TASP1: variants seen among roughly 807,000 people sequenced by gnomAD.
The protein encoded by TASP1 is taspase 1.
TASP1 carries 16 observed loss-of-function variants against 56.6 expected under a neutral mutation model. The observed-to-expected ratio is 0.28, with a 90% confidence interval of 0.19 to 0.43. The LOEUF is 0.43. TASP1 is among the 20% of genes least tolerant of loss of function. The probability of loss-of-function intolerance (pLI) is 1.00; values close to 1 mark genes in which losing one functional copy is unlikely to be tolerated. For synonymous variants in TASP1, 179 were observed against 184.2 expected (o/e 0.97, Z 0.23); for missense variants, 393 against 511.6 (o/e 0.77, Z 2.24).
At chr20:13,379,415 T>G in the TASP1 span, among the ~76,000 whole-genome samples, 1 of 152,248 alleles carries the variant, frequency 6.6e-6, no homozygotes, top group African/African-American at 2.4e-5. Flanking sequence ...CATTCTCTTC[T>G]GGCTTATAGG....
At chr20:13,291,547 C>T in the TASP1 span, among the ~76,000 whole-genome samples, 1 of 152,192 alleles carries the variant, frequency 6.6e-6, no homozygotes, top group South Asian at 2.1e-4. Context: ...CACAGTGCCT[C>T]ACTCCCTCCT....
the TASP1 span, among the ~76,000 whole-genome samples, chr20:13,193,655 AG>A: frequency 3.9e-5 from 6 of 152,230 alleles, no homozygotes; most frequent in Non-Finnish European, 1.5e-5. Flanking sequence ...GGCCAGAGAC[AG>A]GCAGTTTCTC....
chr20:13,324,110 C>T, the TASP1 span, among the ~76,000 whole-genome samples: 8 of 152,288 alleles, frequency 5.3e-5, no homozygotes, highest in South Asian at 1.7e-3. Context: ...CATACTGTAA[C>T]TTTCAGGTAC....
intron 4 of TASP1, 109 bp downstream of exon 4, chr20:13,623,337 A>G (rs537410175): frequency 1.3e-4 from 106 of 824,980 alleles, no homozygotes; most frequent in Non-Finnish European, 1.6e-4. Context: ...TATTGGTGGG[A>G]AACACTGCTC....
chr20:13,266,411 T>G, the TASP1 span, among the ~76,000 whole-genome samples: 1 of 152,276 alleles, frequency 6.6e-6, no homozygotes, highest in South Asian at 2.1e-4. Flanking sequence ...ATGGAAGAGT[T>G]CATGTGCATA....
At chr20:13,563,163 G>C (rs1046368590) in intron 7 of TASP1, among the ~76,000 whole-genome samples, 1 of 151,076 alleles carries the variant, frequency 6.6e-6, no homozygotes, top group Non-Finnish European at 1.5e-5. Context: ...ATGAAAAATT[G>C]TGTACCCAAA....
chr20:13,599,854 C>A (rs1210531520), intron 4 of TASP1, among the ~76,000 whole-genome samples: 1 of 150,362 alleles, frequency 6.7e-6, no homozygotes, highest in Non-Finnish European at 1.5e-5. Context: ...CCTTCTCAAC[C>A]ACATAAAAAC....
chr20:13,380,712 A>T, the TASP1 span, among the ~76,000 whole-genome samples: 2 of 151,954 alleles, frequency 1.3e-5, no homozygotes, highest in Non-Finnish European at 2.9e-5. Flanking sequence ...TCCCAGGGAG[A>T]TGGGAGTTTT....
At chr20:13,325,211 C>T in the TASP1 span, among the ~76,000 whole-genome samples, 14 of 152,252 alleles carry the variant, frequency 9.2e-5, no homozygotes, top group East Asian at 5.8e-4. Flanking sequence ...TCACGAGAAA[C>T]GCATGTGGTA....
chr20:13,281,844 T>C, the TASP1 span, among the ~76,000 whole-genome samples: 9 of 152,160 alleles, frequency 5.9e-5, no homozygotes, highest in Non-Finnish European at 1.0e-4. Flanking sequence ...TTTCTATGAG[T>C]AGAGCTCAGA....
the TASP1 span, among the ~76,000 whole-genome samples, chr20:13,219,327 C>G: frequency 6.6e-6 from 1 of 152,256 alleles, no homozygotes; most frequent in South Asian, 2.1e-4. Context: ...CCAGCCCTTT[C>G]CCTTTTAAGT....
At chr20:13,496,594 A>G (rs752586830) in intron 10 of TASP1, among the ~76,000 whole-genome samples, 1 of 152,164 alleles carries the variant, frequency 6.6e-6, no homozygotes, top group African/African-American at 2.4e-5. Flanking sequence ...TGTTCTACCC[A>G]AAAACAAGAA....
intron 4 of TASP1, among the ~76,000 whole-genome samples, chr20:13,613,575 A>G (rs769468994): frequency 1.3e-5 from 2 of 152,156 alleles, no homozygotes; most frequent in African/African-American, 4.8e-5. Context: ...AAAAAGGCAC[A>G]TGAGATTATT....
chr20:13,375,928 T>G, the TASP1 span, among the ~76,000 whole-genome samples: 2 of 150,792 alleles, frequency 1.3e-5, no homozygotes, highest in East Asian at 2.1e-4. Flanking sequence ...ATGGGGTTGT[T>G]TTTTTTTTGT....
At chr20:13,110,736 G>T in the TASP1 span, among the ~76,000 whole-genome samples, 1 of 152,274 alleles carries the variant, frequency 6.6e-6, no homozygotes, top group African/African-American at 2.4e-5. Flanking sequence ...TTGTTCCAGA[G>T]CCAGCGGGTA....
the TASP1 span, among the ~76,000 whole-genome samples, chr20:13,324,650 A>T: frequency 1.1e-4 from 17 of 152,230 alleles, no homozygotes; most frequent in Non-Finnish European, 2.9e-5. Context: ...CTAGAAAATG[A>T]AAAACAAAAT....
intron 12 of TASP1, among the ~76,000 whole-genome samples, chr20:13,421,459 T>C (rs1014513321): frequency 6.6e-6 from 1 of 152,094 alleles, no homozygotes; most frequent in Non-Finnish European, 1.5e-5. Context: ...TTGCAATTCA[T>C]AGCATAAACA....
chr20:13,402,883 A>T (rs974687416), intron 13 of TASP1, among the ~76,000 whole-genome samples: 2 of 152,238 alleles, frequency 1.3e-5, no homozygotes, highest in African/African-American at 4.8e-5. Flanking sequence ...GATTGCCTGT[A>T]ATCAAGGTTC....
chr20:13,458,846 T>C (rs1225845048), intron 11 of TASP1, among the ~76,000 whole-genome samples: 1 of 152,144 alleles, frequency 6.6e-6, no homozygotes, highest in Admixed American at 6.6e-5. Context: ...TTAGTACATG[T>C]GGGTTCAGAG....
Sources: gnomAD v4.1 joint callset for allele counts (sites outside exome capture counted in the v4.1 genomes callset) on GRCh38, gnomAD v4.1.1 for gene constraint, MANE v1.5 for transcripts, NCBI Gene and HGNC (gene_info 2026-07-23, HGNC 2026-07-21) for gene names.